The following COL22A1 variants were observed in gnomAD, a reference collection of about 807,000 sequenced individuals.
The protein encoded by COL22A1 is collagen type XXII alpha 1 chain.
Under a neutral mutation model 248.9 loss-of-function variants are expected in COL22A1, and 221 were observed. That is an observed-to-expected ratio of 0.89 (90% CI 0.80 to 0.99). The LOEUF is 0.99. Among genes scored for constraint, COL22A1 ranks in the 50% least tolerant of loss-of-function variants. The pLI is 0.00. For synonymous variants in COL22A1, 891 were observed against 793.4 expected, an observed-to-expected ratio of 1.12 and a Z score of -2.07; for missense variants, 2,240 against 2,179.0, an observed-to-expected ratio of 1.03 and a Z score of -0.56.
At chr8:138,660,354 T>G in intron 44 of COL22A1, 82 bp downstream of exon 44, 12 of 1,231,496 alleles carry the variant, frequency 9.7e-6, no homozygotes, top group Non-Finnish European at 1.4e-5. Context: ...TAAAACCTCT[T>G]GAACTTTCTG....
intron 47 of COL22A1, among the ~76,000 whole-genome samples, chr8:138,643,639 T>C (rs931168636): frequency 1.3e-3 from 120 of 92,364 alleles, no homozygotes; most frequent in Middle Eastern, 5.0e-3. Context: ...GATAGATAGA[T>C]AGATAGATAG....
At chr8:138,705,035 T>C (rs1368464233) in intron 30 of COL22A1, among the ~76,000 whole-genome samples, 1 of 152,030 alleles carries the variant, frequency 6.6e-6, no homozygotes, top group Non-Finnish European at 1.5e-5. Context: ...GTATCAATGA[T>C]TGAAGATCAA....
intron 49 of COL22A1, among the ~76,000 whole-genome samples, chr8:138,631,342 T>C (rs147775008): frequency 6.6e-6 from 1 of 152,298 alleles, no homozygotes; most frequent in African/African-American, 2.4e-5. Flanking sequence ...TCTCTGGGAA[T>C]ACATGATGTT....
chr8:138,814,907 T>C lies in COL22A1; in HGVS notation c.1246-1888A>G, dbSNP rs1586812356. ...CACATGTGCATCTTGCATGATATGG[T>C]TTGGCTGTGTCCCCACCCAAATCTC... On this transcript the variant is annotated intron_variant, in intron 7 of 64. Coordinates refer to ENST00000303045, the MANE Select transcript of COL22A1 (RefSeq NM_152888.3). Among the ~76,000 whole-genome samples the C allele has an allele frequency of 3.3e-5, 5 of 152,242 alleles. No homozygotes were observed. The South Asian group carries it at 8.3e-4, about 25-fold the overall frequency.
intron 48 of COL22A1, among the ~76,000 whole-genome samples, chr8:138,636,158 G>C (rs1441716670): frequency 1.3e-5 from 2 of 152,146 alleles, no homozygotes; most frequent in Admixed American, 1.3e-4. Context: ...AAGGGTGGTA[G>C]AATTGGACTG....
chr8:138,647,117 T>C (rs141343905), intron 46 of COL22A1, among the ~76,000 whole-genome samples: 395 of 152,236 alleles, frequency 2.6e-3, no homozygotes, highest in African/African-American at 8.8e-3. Context: ...ACTTTTTCTA[T>C]CTAACCACTC....
chr8:138,713,453 A>G (rs755915118), intron 30 of COL22A1, among the ~76,000 whole-genome samples: 37 of 152,228 alleles, frequency 2.4e-4, no homozygotes, highest in Non-Finnish European at 4.0e-4. Flanking sequence ...TGCAAAACAT[A>G]CTGAGTATAC....
rs556090343 is a variant in COL22A1, at chr8:138,605,908, C to A, written c.4104+473G>T. On this transcript the variant is annotated intron_variant, in intron 58 of 64. Coordinates refer to ENST00000303045, the MANE Select transcript of COL22A1 (RefSeq NM_152888.3). ...AAATCACTTACATGTTCTGACCCTA[C>A]GGCTCAAACTTGCTCACCTTTACTA... is the stretch of plus-strand genomic sequence containing the variant. Among the ~76,000 whole-genome samples the A allele has an allele frequency of 3.9e-5, 6 of 152,282 alleles. No homozygotes were observed. In the South Asian group the frequency reaches 1.2e-3, roughly 32 times the overall value.
At chr8:138,826,520 G>T in intron 6 of COL22A1, 138 bp downstream of exon 6, 2 of 854,424 alleles carry the variant, frequency 2.3e-6, no homozygotes, top group Non-Finnish European at 3.7e-6. Flanking sequence ...GGTCCTCTGA[G>T]CCTCCATACG....
At chr8:138,733,734 A>T (rs1830882124) in intron 23 of COL22A1, among the ~76,000 whole-genome samples, 1 of 152,104 alleles carries the variant, frequency 6.6e-6, no homozygotes, top group African/African-American at 2.4e-5. Context: ...TTCCAGATTA[A>T]TCCTGTGCTT....
chr8:138,677,272 G>C (rs981039641), intron 40 of COL22A1, among the ~76,000 whole-genome samples: 1 of 152,188 alleles, frequency 6.6e-6, no homozygotes, highest in African/African-American at 2.4e-5. Flanking sequence ...CACCTACAAG[G>C]GGAACAGGAC....
intron 23 of COL22A1, among the ~76,000 whole-genome samples, chr8:138,734,139 G>A (rs4567084): frequency 0.37 from 56,916 of 152,008 alleles, 11,021 homozygotes; most frequent in African/African-American, 0.47. Flanking sequence ...AAAGCTCTGC[G>A]GGAAATAGAC....
At chr8:138,695,131 C>G (rs1421298816) in intron 32 of COL22A1, among the ~76,000 whole-genome samples, 2 of 152,184 alleles carry the variant, frequency 1.3e-5, no homozygotes, top group Non-Finnish European at 2.9e-5. Context: ...GCCCAACCCT[C>G]CTGTTACAGC....
intron 16 of COL22A1, among the ~76,000 whole-genome samples, chr8:138,765,279 G>A (rs533546227): frequency 5.4e-4 from 82 of 152,284 alleles, no homozygotes; most frequent in African/African-American, 1.5e-3. Flanking sequence ...GAGGGACTGC[G>A]GGGCCTGGGC....
At chr8:138,823,933 G>T (rs994249692) in intron 6 of COL22A1, among the ~76,000 whole-genome samples, 36 of 152,196 alleles carry the variant, frequency 2.4e-4, no homozygotes, top group African/African-American at 8.0e-4. Flanking sequence ...TGTAGTTAAA[G>T]GAAGGTGCTC....
In COL22A1 at chr8:138,865,328, G is replaced by T. The variant is rs147962614; in HGVS notation, c.658+12422C>A. On this transcript the variant is annotated intron_variant, in intron 3 of 64. Coordinates refer to ENST00000303045, the MANE Select transcript of COL22A1 (RefSeq NM_152888.3). ...GTGTATATAAGTGGGGCTGTGTAGT[G>T]AGTATGTATGTGAGCACATGTGTGT... Among the ~76,000 whole-genome samples, 259 of 152,236 alleles carry T rather than the reference G, an allele frequency of 1.7e-3. 4 individuals are homozygous for T. Among genetic ancestry groups the T allele is most frequent in the Non-Finnish European group, 5.4e-4 (37 of 68,008 alleles).
chr8:138,870,296 G>A (rs977684778), intron 3 of COL22A1, among the ~76,000 whole-genome samples: 1 of 151,756 alleles, frequency 6.6e-6, no homozygotes. Flanking sequence ...CTGTGCATTT[G>A]TATGTGGTGT....
chr8:138,590,050 C>T (rs1816904903), intron 64 of COL22A1, among the ~76,000 whole-genome samples: 1 of 151,846 alleles, frequency 6.6e-6, no homozygotes, highest in African/African-American at 2.4e-5. Flanking sequence ...AAAATTGAGA[C>T]CCAGAAAATA....
chr8:138,879,505 A>T (rs1824010860), intron 2 of COL22A1, among the ~76,000 whole-genome samples: 1 of 152,174 alleles, frequency 6.6e-6, no homozygotes, highest in African/African-American at 2.4e-5. Flanking sequence ...CAGTCTGGCC[A>T]ATATGGCAAA....
Sources: allele counts gnomAD v4.1 joint callset (sites outside exome capture counted in the v4.1 genomes callset), GRCh38; gene constraint gnomAD v4.1.1; transcripts MANE v1.5; gene names NCBI Gene and HGNC (gene_info 2026-07-23, HGNC 2026-07-21).